Variants in LATS2 observed in about 807,000 individuals in gnomAD.
The protein encoded by LATS2 is serine/threonine-protein kinase LATS2.
LATS2 carries 24 observed loss-of-function variants against 76.0 expected under a neutral mutation model. That is an observed-to-expected ratio of 0.32 (90% CI 0.23 to 0.44). The LOEUF is 0.44. LATS2 is among the 20% of genes least tolerant of loss of function. LATS2 has a pLI of 1.00. For synonymous variants in LATS2, 692 were observed against 635.4 expected (o/e 1.09, Z -1.34); for missense variants, 1,286 against 1,481.2 (o/e 0.87, Z 2.16).
At chr13:20,975,605 T>G (rs1869581675) in intron 7 of LATS2, among the ~76,000 whole-genome samples, 2 of 152,240 alleles carry the variant, frequency 1.3e-5, no homozygotes, top group African/African-American at 4.8e-5. Flanking sequence ...ACTGATTTTC[T>G]TCTATCAGAA....
chr13:20,984,556 G>A (rs988994011), intron 4 of LATS2, among the ~76,000 whole-genome samples: 1 of 152,060 alleles, frequency 6.6e-6, no homozygotes, highest in African/African-American at 2.4e-5. Flanking sequence ...CTGGATTTCT[G>A]TACACCAATA....
At chr13:21,042,952 C>T (rs1296264655) in intron 2 of LATS2, among the ~76,000 whole-genome samples, 1 of 151,286 alleles carries the variant, frequency 6.6e-6, no homozygotes, top group Admixed American at 6.6e-5. Flanking sequence ...CCACTGCACT[C>T]CAGCCTGGGC....
chr13:21,037,469 CG>C (rs34950863), intron 2 of LATS2, among the ~76,000 whole-genome samples: 20,189 of 152,086 alleles, frequency 0.13, 2,375 homozygotes, highest in East Asian at 0.42. Context: ...ATGTTTATGA[CG>C]TAATGCTTGT....
chr13:21,031,333 T>C (rs1010781747), intron 2 of LATS2, among the ~76,000 whole-genome samples: 1 of 152,232 alleles, frequency 6.6e-6, no homozygotes, highest in Non-Finnish European at 1.5e-5. Context: ...TCACATATAC[T>C]GGACAACCTC....
At chr13:21,044,990 G>T (rs1184862280) in intron 2 of LATS2, among the ~76,000 whole-genome samples, 1 of 152,094 alleles carries the variant, frequency 6.6e-6, no homozygotes, top group Admixed American at 6.6e-5. Flanking sequence ...GCCTCCCAAA[G>T]TGCTGGGATT....
At chr13:21,053,936 G>C (rs1303800999) in intron 1 of LATS2, among the ~76,000 whole-genome samples, 1 of 152,148 alleles carries the variant, frequency 6.6e-6, no homozygotes, top group Non-Finnish European at 1.5e-5. Context: ...TTTACTTAAG[G>C]GGTACAGTTT....
rs1456292730 is a variant in LATS2 at position 21,046,161 on chromosome 13, C to T, written c.-135G>A. The T allele has an allele frequency of 8.2e-6, 6 of 727,614 alleles. No individual in the cohort carries two copies. Among genetic ancestry groups the T allele is most frequent in the Non-Finnish European group, 1.3e-5 (6 of 461,392 alleles). 45.1% of individuals were successfully genotyped at this position (727,614 alleles called of 1,614,324 possible). On this transcript the variant is annotated 5_prime_UTR_variant, in exon 2 of 8. Transcript: ENST00000382592. ...AATTTCCTTTTGAAAATGTTCTTTC[C>T]TTCCATTTTTGTAGTTCCTATAGAG... is the stretch of plus-strand genomic sequence containing the variant.
intron 2 of LATS2, among the ~76,000 whole-genome samples, chr13:21,040,802 G>A (rs1452394894): frequency 1.3e-5 from 2 of 152,088 alleles, no homozygotes; most frequent in Non-Finnish European, 2.9e-5. Flanking sequence ...GAGGGACCCT[G>A]ATAAACTCCA....
chr13:21,054,492 G>A (rs552958488), intron 1 of LATS2, among the ~76,000 whole-genome samples: 5 of 152,066 alleles, frequency 3.3e-5, no homozygotes, highest in Non-Finnish European at 7.4e-5. Context: ...GATATAGCAG[G>A]GCAAAGTCTC....
intron 2 of LATS2, among the ~76,000 whole-genome samples, chr13:21,033,583 G>T (rs1872602265): frequency 6.6e-6 from 1 of 151,222 alleles, no homozygotes; most frequent in African/African-American, 2.4e-5. Flanking sequence ...TGGAGAAGGT[G>T]ACAGACACAC....
intron 2 of LATS2, among the ~76,000 whole-genome samples, chr13:21,029,418 G>C (rs1351939496): frequency 6.6e-6 from 1 of 152,200 alleles, no homozygotes; most frequent in Non-Finnish European, 1.5e-5. Flanking sequence ...TATCCCAGTT[G>C]ATCCTGATGT....
chr13:21,046,957 C>T (rs1873097123), intron 1 of LATS2, among the ~76,000 whole-genome samples: 1 of 152,082 alleles, frequency 6.6e-6, no homozygotes, highest in Non-Finnish European at 1.5e-5. Context: ...GGACTGGTAA[C>T]AGCATGTAGG....
rs534903212 is a variant in LATS2, at chr13:20,997,135, G to A, written c.343-5731C>T. Among the ~76,000 whole-genome samples, 3 of 152,262 alleles carry A rather than the reference G, an allele frequency of 2.0e-5. No individual in the cohort carries two copies. The South Asian group carries it at 6.2e-4, about 32-fold the overall frequency. ...GCCTCATGGCTAAAACTAAGAGATT[G>A]GGGAGGGACTGAGAAGGGCAAGACA... On this transcript the variant is annotated intron_variant, in intron 2 of 7. Coordinates refer to ENST00000382592, the MANE Select transcript of LATS2 (RefSeq NM_014572.3).
intron 1 of LATS2, among the ~76,000 whole-genome samples, chr13:21,050,921 C>T (rs578044358): frequency 4.6e-5 from 7 of 152,376 alleles, no homozygotes; most frequent in African/African-American, 1.7e-4. Flanking sequence ...CATAGACATG[C>T]CATGATACCA....
chr13:21,060,916 G>A (rs1873618388), intron 1 of LATS2, among the ~76,000 whole-genome samples: 1 of 151,264 alleles, frequency 6.6e-6, no homozygotes, highest in South Asian at 2.1e-4. Context: ...CCGATCCCCC[G>A]GAGACAGCGG....
Position 20,987,521 on chromosome 13 carries a change from G to A in LATS2, c.1899+360C>T, listed in dbSNP as rs1040630497. 3.4e-4 allele frequency among the ~76,000 whole-genome samples: 51 copies of A among 151,936 alleles called. 1 individual carries two copies. The highest frequency in any genetic ancestry group is 7.4e-5 in the Non-Finnish European group (5 of 67,994). On this transcript the variant is annotated intron_variant, in intron 4 of 7. Coordinates refer to ENST00000382592, the MANE Select transcript of LATS2 (RefSeq NM_014572.3). ...CTCAATTTACAAAACCTTAAACTTT[G>A]TTTCTACTCATTCAAATGTTCTATT...
chr13:21,027,249 C>T (rs1565959007), intron 2 of LATS2, among the ~76,000 whole-genome samples: 1 of 152,130 alleles, frequency 6.6e-6, no homozygotes, highest in Non-Finnish European at 1.5e-5. Context: ...TTTTACGTCC[C>T]ATGAATTTTG....
At position 20,989,328 on chromosome 13, in the gene LATS2, C is replaced by T. The variant is rs779716343; in HGVS notation, c.476-24G>A. On this transcript the variant is annotated intron_variant, in intron 3 of 7. Transcript: ENST00000382592. ...TCCTGCAGTGGAAAAAACAGGAAGA[C>T]AGCATCAGAGTGGGTGTGATCAGTG... The T allele has an allele frequency of 1.6e-5, 26 of 1,612,716 alleles. No individual in the cohort carries two copies. The East Asian group carries it at 5.8e-4, about 36-fold the overall frequency.
At chr13:21,025,577 G>GT (rs1214454767) in intron 2 of LATS2, among the ~76,000 whole-genome samples, 2 of 152,038 alleles carry the variant, frequency 1.3e-5, no homozygotes, top group Non-Finnish European at 2.9e-5. Flanking sequence ...GATCACTTAG[G>GT]TTTTATTCCT....
Sources: gnomAD v4.1 joint callset for allele counts (sites outside exome capture counted in the v4.1 genomes callset) on GRCh38, gnomAD v4.1.1 for gene constraint, MANE v1.5 for transcripts, NCBI Gene and HGNC (gene_info 2026-07-23, HGNC 2026-07-21) for gene names.